The following LRCH2 variants were observed in gnomAD, a reference collection of about 807,000 sequenced individuals.
The protein encoded by LRCH2 is leucine-rich repeat and calponin homology domain-containing protein 2.
A neutral mutation model predicts 68.9 loss-of-function variants in LRCH2; 38 were observed. That is an observed-to-expected ratio of 0.55 (90% CI 0.43 to 0.72). The LOEUF is 0.72. Ranked by LOEUF, LRCH2 falls within the 30% of genes least tolerant of loss-of-function variation. The pLI, the probability that LRCH2 is intolerant of heterozygous loss-of-function variation, is 0.00. For missense variants in LRCH2, 528 were observed against 572.9 expected (o/e 0.92, Z 0.80); for synonymous variants, 191 against 208.1 (o/e 0.92, Z 0.71).
chrX:115,169,358 G>A (rs1556546586), intron 6 of LRCH2, among the ~76,000 whole-genome samples: 2 of 111,703 alleles, frequency 1.8e-5, no homozygotes, highest in East Asian at 5.6e-4. Flanking sequence ...GTAAATTCAT[G>A]TTAAAATAAA....
intron 12 of LRCH2, among the ~76,000 whole-genome samples, chrX:115,154,711 T>C (rs1217388737): frequency 8.9e-6 from 1 of 111,875 alleles, no homozygotes; most frequent in African/African-American, 3.2e-5. Flanking sequence ...ATTGATAATG[T>C]ATAGTGTTAA....
chrX:115,165,297 G>A, intron 10 of LRCH2, 108 bp downstream of exon 10: 1 of 510,885 alleles, frequency 2.0e-6, no homozygotes, highest in Non-Finnish European at 3.2e-6. Flanking sequence ...AAACATAAGA[G>A]GTAAGTGAAC....
chrX:115,121,907 C>T (rs1418770485), intron 20 of LRCH2, among the ~76,000 whole-genome samples: 2 of 110,996 alleles, frequency 1.8e-5, no homozygotes, highest in Non-Finnish European at 3.8e-5. Flanking sequence ...CATAGTCATT[C>T]ATGTTGAGGT....
rs782477381 is a variant in LRCH2 at position 115,119,137 on chromosome X, C to T, written c.2178+3390G>A. 2.3e-3 allele frequency among the ~76,000 whole-genome samples: 250 copies of T among 110,488 alleles called. 2 individuals carry two copies. Among genetic ancestry groups the T allele is most frequent in the African/African-American group, 8.0e-3 (243 of 30,287 alleles). On this transcript the variant is annotated intron_variant, in intron 20 of 20. Coordinates refer to ENST00000317135, the MANE Select transcript of LRCH2 (RefSeq NM_020871.4). Reference sequence around the variant, plus strand: ...ACAGGGATGCCCTCTGTCACCACTCCTATTCAACATAGTGTTGGAAGTTCT... The same window carrying T: ...ACAGGGATGCCCTCTGTCACCACTCTTATTCAACATAGTGTTGGAAGTTCT...
intron 5 of LRCH2, among the ~76,000 whole-genome samples, chrX:115,173,834 G>A (rs1435568442): frequency 8.9e-6 from 1 of 111,779 alleles, no homozygotes; most frequent in Non-Finnish European, 1.9e-5. Flanking sequence ...TCAATGTGAA[G>A]ACCATGGGGA....
intron 10 of LRCH2, among the ~76,000 whole-genome samples, chrX:115,164,293 T>C (rs868989823): frequency 4.5e-5 from 5 of 111,825 alleles, no homozygotes; most frequent in Non-Finnish European, 9.4e-5. Context: ...AAAATACTAA[T>C]ATGTCATCTT....
At chrX:115,208,516 T>C (rs1429325727) in intron 1 of LRCH2, among the ~76,000 whole-genome samples, 1 of 111,341 alleles carries the variant, frequency 9.0e-6, no homozygotes, top group African/African-American at 3.3e-5. Flanking sequence ...GTATCACTCT[T>C]GAGCTTCAGA....
intron 20 of LRCH2, among the ~76,000 whole-genome samples, chrX:115,118,607 C>T (rs1556524855): frequency 9.0e-6 from 1 of 110,654 alleles, no homozygotes; most frequent in African/African-American, 3.3e-5. Flanking sequence ...GAACTGGTAC[C>T]ATTCCTTCTG....
chrX:115,114,344 T>C (rs185599364), intron 20 of LRCH2, among the ~76,000 whole-genome samples: 1 of 111,222 alleles, frequency 9.0e-6, no homozygotes, highest in Admixed American at 9.6e-5. Flanking sequence ...TCTTAATATT[T>C]TGCTTATTTA....
intron 14 of LRCH2, among the ~76,000 whole-genome samples, chrX:115,147,533 T>C (rs983160679): frequency 9.8e-5 from 11 of 111,747 alleles, no homozygotes; most frequent in African/African-American, 2.9e-4. Context: ...ATGATGATTA[T>C]GTAATGAGCA....
At chrX:115,128,068 CAGT>C (rs782286678) in intron 15 of LRCH2, among the ~76,000 whole-genome samples, 3 of 111,841 alleles carry the variant, frequency 2.7e-5, no homozygotes, top group Non-Finnish European at 5.6e-5. Flanking sequence ...GAAGTTATTG[CAGT>C]AGAACAGGCA....
At chrX:115,227,870 C>T (rs2073129322) in intron 1 of LRCH2, among the ~76,000 whole-genome samples, 1 of 110,748 alleles carries the variant, frequency 9.0e-6, no homozygotes, top group Admixed American at 9.7e-5. Context: ...AGTAATTAAT[C>T]TAAAAATAAA....
At chrX:115,135,010 C>A (rs1287553313) in intron 14 of LRCH2, among the ~76,000 whole-genome samples, 2 of 110,948 alleles carry the variant, frequency 1.8e-5, no homozygotes, top group Non-Finnish European at 3.8e-5. Flanking sequence ...TCATTCTGAT[C>A]GTCATGGACG....
At chrX:115,113,991 C>A (rs1289977297) in intron 20 of LRCH2, among the ~76,000 whole-genome samples, 1 of 111,169 alleles carries the variant, frequency 9.0e-6, no homozygotes, top group East Asian at 2.8e-4. Flanking sequence ...GTTTTAACTA[C>A]CCCTTCCATA....
chrX:115,197,847 T>TCTCTCTCTCTCTCTCTCTCACACACACA (rs782358260), intron 1 of LRCH2, among the ~76,000 whole-genome samples: 1 of 20,565 alleles, frequency 4.9e-5, no homozygotes, highest in African/African-American at 1.9e-4. Flanking sequence ...TCTCTCTCTC[T>TCTCTCTCTCTCTCTCTCTCACACACACA]CACACACACA....
intron 20 of LRCH2, among the ~76,000 whole-genome samples, chrX:115,117,082 C>G (rs1456065442): frequency 9.0e-6 from 1 of 111,100 alleles, no homozygotes; most frequent in Non-Finnish European, 1.9e-5. Flanking sequence ...AAATAAACAA[C>G]CCAATACAAA....
In LRCH2 at chrX:115,123,179, T is replaced by C. The variant is rs1213389279; in HGVS notation, c.1863A>G (p.Ser621=). The change falls in exon 18 of 21, where the codon TCA becomes TCG. Residue 621 remains serine, a synonymous_variant. Coordinates refer to ENST00000317135, the MANE Select transcript of LRCH2 (RefSeq NM_020871.4). Reference sequence around the variant, plus strand: ...CTGCTGCCCCATATTCTTGGCGAGATGAGCGGCTAAAAGCTATAAAAACAG... The same window carrying C: ...CTGCTGCCCCATATTCTTGGCGAGACGAGCGGCTAAAAGCTATAAAAACAG... The part of the protein sequence containing the change: ...GLKPRSAFSR[S]SRQEYGAADP... The C allele has an allele frequency of 8.3e-7, 1 of 1,204,971 alleles. No individual in the cohort carries two copies. The highest frequency in any genetic ancestry group is 1.8e-5 in the African/African-American group (1 of 57,044).
intron 1 of LRCH2, among the ~76,000 whole-genome samples, chrX:115,199,031 T>G (rs1187223757): frequency 8.9e-6 from 1 of 112,330 alleles, no homozygotes; most frequent in African/African-American, 3.2e-5. Flanking sequence ...AAGCAAATGC[T>G]GAGGAATTCA....
At chrX:115,115,899 G>C (rs1274902686) in intron 20 of LRCH2, among the ~76,000 whole-genome samples, 1 of 109,812 alleles carries the variant, frequency 9.1e-6, no homozygotes, top group Non-Finnish European at 1.9e-5. Flanking sequence ...GGTTTCAATA[G>C]ACATTACTCC....
Sources: allele counts gnomAD v4.1 joint callset (sites outside exome capture counted in the v4.1 genomes callset), GRCh38; gene constraint gnomAD v4.1.1; transcripts MANE v1.5; gene names NCBI Gene and HGNC (gene_info 2026-07-23, HGNC 2026-07-21).